CAMKK2: variants seen among roughly 807,000 people sequenced by gnomAD.
CAMKK2 encodes calcium/calmodulin-dependent protein kinase kinase 2.
Under a neutral mutation model 67.2 loss-of-function variants are expected in CAMKK2, and 30 were observed. That is an observed-to-expected ratio of 0.45 (90% CI 0.33 to 0.61). CAMKK2 has a LOEUF of 0.61. CAMKK2 is among the 20% of genes least tolerant of loss of function. The pLI is 0.02. For missense variants in CAMKK2, 643 were observed against 802.0 expected, an observed-to-expected ratio of 0.80 and a Z score of 2.39; for synonymous variants, 322 against 326.2, an observed-to-expected ratio of 0.99 and a Z score of 0.14.
chr12:121,276,881 T>C (rs1293412984), intron 1 of CAMKK2, among the ~76,000 whole-genome samples: 2 of 100,556 alleles, frequency 2.0e-5, no homozygotes, highest in Non-Finnish European at 1.7e-5. Context: ...GGAGACTCCA[T>C]CTCAAAAAAA....
intron 1 of CAMKK2, among the ~76,000 whole-genome samples, chr12:121,279,877 A>G (rs1897445061): frequency 6.6e-6 from 1 of 152,254 alleles, no homozygotes; most frequent in Admixed American, 6.5e-5. Flanking sequence ...GCAGGCCTCC[A>G]GGAAACACCT....
chr12:121,261,261 A>G (rs1441173770), intron 6 of CAMKK2, among the ~76,000 whole-genome samples: 1 of 152,126 alleles, frequency 6.6e-6, no homozygotes, highest in African/African-American at 2.4e-5. Context: ...TGTTGGGTGA[A>G]AAGGCCAAAT....
At chr12:121,244,496 G>GC in intron 16 of CAMKK2, 77 bp downstream of exon 16, 1 of 1,351,668 alleles carries the variant, frequency 7.4e-7, no homozygotes, top group South Asian at 1.3e-5. Flanking sequence ...GGGTGGGGAT[G>GC]CCCCCGTGCT....
In CAMKK2 at chr12:121,253,595, C is replaced by G; in HGVS notation, c.908-123G>C. 2 of 818,740 alleles carry G rather than the reference C, an allele frequency of 2.4e-6. No individual in the cohort carries two copies. Among genetic ancestry groups the G allele is most frequent in the Non-Finnish European group, 4.1e-6 (2 of 493,006 alleles). The allele number at this position is 818,740 out of a possible 1,614,324, so 50.7% of individuals were successfully genotyped here. ...CTCTGATGCCTTGTCTCCCACAGCCCCAGGCCTTTTCCAACCTTCCACTCC... is the reference window on the plus strand; with the variant it reads ...CTCTGATGCCTTGTCTCCCACAGCCGCAGGCCTTTTCCAACCTTCCACTCC... On this transcript the variant is annotated intron_variant, in intron 9 of 16. Transcript: ENST00000404169. The surrounding 1 kb of genome is among the most constrained non-coding windows in gnomAD (Gnocchi z 5.0).
At chr12:121,256,801 C>G (rs1240540367) in intron 7 of CAMKK2, among the ~76,000 whole-genome samples, 1 of 152,080 alleles carries the variant, frequency 6.6e-6, no homozygotes, top group Non-Finnish European at 1.5e-5. Flanking sequence ...TTTGTCCATT[C>G]ATCTGTTGAG....
intron 7 of CAMKK2, 58 bp downstream of exon 7, chr12:121,260,260 CT>C: frequency 6.8e-7 from 1 of 1,467,530 alleles, no homozygotes; most frequent in Non-Finnish European, 9.3e-7. Context: ...GAGAGGACCC[CT>C]GGGCATTGGC....
chr12:121,258,753 T>C (rs1444137940), intron 7 of CAMKK2, among the ~76,000 whole-genome samples: 3 of 152,134 alleles, frequency 2.0e-5, no homozygotes, highest in African/African-American at 7.2e-5. Flanking sequence ...AAACTCTTCT[T>C]TGAGGCTTGG....
intron 1 of CAMKK2, among the ~76,000 whole-genome samples, chr12:121,287,821 C>T (rs1306335681): frequency 6.6e-6 from 1 of 152,010 alleles, no homozygotes; most frequent in East Asian, 1.9e-4. Context: ...AAAATGTTTA[C>T]ATTAGCCAAG....
In CAMKK2 at chr12:121,250,701, C is replaced by T. The variant is rs906802353; in HGVS notation, c.1162-667G>A. On this transcript the variant is annotated intron_variant, in intron 11 of 16. Transcript: ENST00000404169. The stretch of plus-strand genomic sequence containing the variant: ...TATTGTTTAACCCCTCCCACGGGAA[C>T]GTTAGCTCCAAGAAGGCAGGGATTT... Among the ~76,000 whole-genome samples the T allele has an allele frequency of 5.3e-5, 8 of 152,200 alleles. No individual in the cohort carries two copies. In the South Asian group the frequency reaches 1.7e-3, roughly 32 times the overall value.
chr12:121,243,787 C>T, intron 16 of CAMKK2: 2 of 945,314 alleles, frequency 2.1e-6, no homozygotes, highest in Admixed American at 4.3e-5. Context: ...ATACACTTCC[C>T]GTGGGTGAAT....
At chr12:121,278,450 G>A (rs1331392197) in intron 1 of CAMKK2, among the ~76,000 whole-genome samples, 2 of 152,204 alleles carry the variant, frequency 1.3e-5, no homozygotes. Flanking sequence ...TGGATGCTAT[G>A]GTTTGACTCT....
Position 121,245,893 on chromosome 12 carries a change from G to A in CAMKK2, c.1453-653C>T, listed in dbSNP as rs556162405. On this transcript the variant is annotated intron_variant, in intron 14 of 16. Transcript: ENST00000404169. The surrounding 1 kb of genome is among the most constrained non-coding windows in gnomAD (Gnocchi z 5.8). Reference sequence around the variant, plus strand: ...CAACTGAAGAAGATAAACTCAAAGCGGTCTGTCTGTGCAATGGAACATGAT... The same window carrying A: ...CAACTGAAGAAGATAAACTCAAAGCAGTCTGTCTGTGCAATGGAACATGAT... 5.3e-5 allele frequency among the ~76,000 whole-genome samples: 8 copies of A among 152,272 alleles called. No individual in the cohort carries two copies. Among genetic ancestry groups the A allele is most frequent in the East Asian group, 1.9e-4 (1 of 5,180 alleles).
intron 9 of CAMKK2, among the ~76,000 whole-genome samples, chr12:121,254,355 G>A (rs1324244304): frequency 2.0e-5 from 3 of 152,120 alleles, no homozygotes; most frequent in Non-Finnish European, 4.4e-5. Flanking sequence ...CTACTTGGGA[G>A]GCTGAGGCAT....
At chr12:121,246,253 C>G (rs1271281267) in intron 14 of CAMKK2, among the ~76,000 whole-genome samples, 246 of 83,158 alleles carry the variant, frequency 3.0e-3, no homozygotes, top group Non-Finnish European at 3.8e-3. Context: ...AAAGAAGGAG[C>G]GGGGGGGGGG....
chr12:121,248,580 C>T (rs1269057281), intron 14 of CAMKK2, 26 bp downstream of exon 14: 1 of 1,613,776 alleles, frequency 6.2e-7, no homozygotes, highest in African/African-American at 1.3e-5. Context: ...GGTCCCTGCT[C>T]TGGGTCAGGG....
chr12:121,263,903 CCAGG>C lies in CAMKK2; in HGVS notation c.658_661del (p.Pro220GlufsTer29). The stretch of plus-strand genomic sequence containing the variant: ...GGGGCCCCTGGGCTGGATGCAGCCT[CCAGG>C]AGCTGGCCGGGTGCCTCGGGGTGGA... On this transcript the variant is annotated frameshift_variant, in exon 6 of 17. Transcript: ENST00000404169. LOFTEE classifies it high-confidence loss of function. 6.2e-7 allele frequency: 1 copy of C among 1,609,164 alleles called. No homozygotes were observed.
chr12:121,293,348 A>G (rs1900472449), intron 1 of CAMKK2, among the ~76,000 whole-genome samples: 1 of 152,182 alleles, frequency 6.6e-6, no homozygotes, highest in Non-Finnish European at 1.5e-5. Flanking sequence ...AAAATCTGAA[A>G]TAGCATTTGC....
chr12:121,244,430 TG>T, intron 16 of CAMKK2, 142 bp downstream of exon 16: 1 of 791,180 alleles, frequency 1.3e-6, no homozygotes, highest in Non-Finnish European at 2.0e-6. Flanking sequence ...ATACTGGGTC[TG>T]GAGGCCCGCG....
chr12:121,244,653 G>C (rs1197226482), intron 15 of CAMKK2, 38 bp from the exon 16 acceptor site: 2 of 1,508,550 alleles, frequency 1.3e-6, no homozygotes, highest in African/African-American at 2.8e-5. Flanking sequence ...GAAGTGAGAA[G>C]GGACCCTTGG....
Sources: gnomAD v4.1 joint callset for allele counts (sites outside exome capture counted in the v4.1 genomes callset) on GRCh38, gnomAD v4.1.1 for gene constraint, Gnocchi (gnomAD v3.1) non-coding constraint, MANE v1.5 for transcripts, NCBI Gene and HGNC (gene_info 2026-07-23, HGNC 2026-07-21) for gene names.